CSMD1: variants seen among roughly 807,000 people sequenced by gnomAD.
CSMD1 encodes CUB and sushi domain-containing protein 1.
Under a neutral mutation model 417.5 loss-of-function variants are expected in CSMD1, and 213 were observed. The observed-to-expected ratio is 0.51, with a 90% CI of 0.46 to 0.57. CSMD1 has a LOEUF of 0.57. CSMD1 is among the 20% of genes least tolerant of loss of function. The pLI is 0.00. For synonymous variants in CSMD1, 2,862 were observed against 1,736.8 expected, an observed-to-expected ratio of 1.65 and a Z score of -16.11; for missense variants, 6,923 against 4,529.7, an observed-to-expected ratio of 1.53 and a Z score of -15.17.
At chr8:3,821,041 C>T (rs967321022) in intron 5 of CSMD1, among the ~76,000 whole-genome samples, 2 of 151,976 alleles carry the variant, frequency 1.3e-5, no homozygotes, top group Admixed American at 1.3e-4. Flanking sequence ...CTCAGCCTCC[C>T]CAGTAGCTGG....
chr8:3,167,975 A>G (rs1217097785), intron 37 of CSMD1, among the ~76,000 whole-genome samples: 2 of 152,162 alleles, frequency 1.3e-5, no homozygotes, highest in East Asian at 3.9e-4. Flanking sequence ...TGTAGATATT[A>G]TGAACTGAAA....
intron 1 of CSMD1, among the ~76,000 whole-genome samples, chr8:4,744,209 C>G (rs1473203984): frequency 6.6e-6 from 1 of 152,024 alleles, no homozygotes; most frequent in Non-Finnish European, 1.5e-5. Context: ...ACGGTCACCT[C>G]TGCAGGCTCG....
chr8:4,505,023 G>C (rs554773054), intron 2 of CSMD1, among the ~76,000 whole-genome samples: 345 of 152,204 alleles, frequency 2.3e-3, no homozygotes, highest in African/African-American at 8.0e-3. Flanking sequence ...GTGTCAAATG[G>C]TATTTCTGTT....
At chr8:3,696,361 C>G (rs1800552724) in intron 7 of CSMD1, among the ~76,000 whole-genome samples, 1 of 152,190 alleles carries the variant, frequency 6.6e-6, no homozygotes, top group African/African-American at 2.4e-5. Flanking sequence ...CTTGGCTTAT[C>G]TCTTTGACTT....
At chr8:3,969,283 C>T (rs117332502) in intron 5 of CSMD1, among the ~76,000 whole-genome samples, 3,160 of 152,196 alleles carry the variant, frequency 0.021, 53 homozygotes, top group Non-Finnish European at 0.03. Context: ...GCTGTAGCTG[C>T]AAAAGATGAG....
chr8:3,998,074 C>G lies in CSMD1; in HGVS notation c.647G>C (p.Ser216Thr), dbSNP rs762887070. 6.3e-7 allele frequency: 1 copy of G among 1,588,184 alleles called. No individual in the cohort carries two copies. Reference protein sequence around the residue: ...GACGGTLRGTSSSISSPHFPS... With the variant: ...GACGGTLRGTTSSISSPHFPS... ...GAAGTGCGGGCTGGAGATGGAGCTG[C>G]TGGTCCCGCGTAAGGTTCCTCCGCA... Residue 216 changes from serine (S) to threonine (T), a missense_variant, in exon 5 of 70, where the codon AGC becomes ACC. By Grantham distance (58) the Ser-to-Thr change is moderately conservative. Transcript: ENST00000635120.
Position 4,756,762 on chromosome 8 carries a change from G to A in CSMD1, c.86-119204C>T, listed in dbSNP as rs111859892. 4.6e-3 allele frequency among the ~76,000 whole-genome samples: 698 copies of A among 152,296 alleles called. 7 individuals carry two copies. The highest frequency in any genetic ancestry group is 0.017 in the Middle Eastern group (5 of 294). ...GGTAAAATAAATGTAGCAGCTTCCT[G>A]GGAGTCATCTTGGGCATTTTAGGTC... On this transcript the variant is annotated intron_variant, in intron 1 of 69. Coordinates refer to ENST00000635120, the MANE Select transcript of CSMD1 (RefSeq NM_033225.6).
At chr8:4,208,390 T>G (rs1800107615) in intron 3 of CSMD1, among the ~76,000 whole-genome samples, 1 of 152,204 alleles carries the variant, frequency 6.6e-6, no homozygotes, top group African/African-American at 2.4e-5. Context: ...ATTGAGTTAC[T>G]GGCCTATTAT....
chr8:4,855,449 G>A (rs2116850920), intron 1 of CSMD1, among the ~76,000 whole-genome samples: 1 of 152,276 alleles, frequency 6.6e-6, no homozygotes, highest in Non-Finnish European at 1.5e-5. Context: ...GAAGGCTTCA[G>A]ACGATCAAAT....
At chr8:4,126,062 T>C (rs1156403348) in intron 3 of CSMD1, among the ~76,000 whole-genome samples, 1 of 151,516 alleles carries the variant, frequency 6.6e-6, no homozygotes, top group East Asian at 1.9e-4. Flanking sequence ...GCCCGACCAG[T>C]TTTGCCATTG....
At chr8:4,907,796 G>C (rs948488946) in intron 1 of CSMD1, among the ~76,000 whole-genome samples, 3 of 151,658 alleles carry the variant, frequency 2.0e-5, no homozygotes, top group African/African-American at 7.3e-5. Flanking sequence ...AAACCCCTGG[G>C]CTCAAGCAAT....
Position 3,407,884 on chromosome 8 carries a change from TG to T in CSMD1, c.2071+14del. ...AATGAGAACTTGGATGTGTTGACTGTGTGGGCGTACTTACTGGTGTAAGTGA... is the reference window on the plus strand; with the variant it reads ...AATGAGAACTTGGATGTGTTGACTGTTGGGCGTACTTACTGGTGTAAGTGA... On this transcript the variant is annotated intron_variant, in intron 14 of 69. Coordinates refer to ENST00000635120, the MANE Select transcript of CSMD1 (RefSeq NM_033225.6). 1 of 1,587,768 alleles carries T rather than the reference TG, an allele frequency of 6.3e-7. No individual in the cohort carries two copies. The highest frequency in any genetic ancestry group is 8.6e-7 in the Non-Finnish European group (1 of 1,162,996).
intron 41 of CSMD1, among the ~76,000 whole-genome samples, chr8:3,142,046 C>T (rs534192716): frequency 1.3e-5 from 2 of 152,292 alleles, no homozygotes; most frequent in South Asian, 4.1e-4. Flanking sequence ...ATCCGCCCGC[C>T]TCGGCCTTCC....
At chr8:3,347,882 T>C (rs926188033) in intron 22 of CSMD1, 110 bp downstream of exon 22, 2 of 660,036 alleles carry the variant, frequency 3.0e-6, no homozygotes, top group South Asian at 3.1e-5. Context: ...AAATCATATA[T>C]AAAAATATAT....
At chr8:4,981,470 C>A (rs1175867028) in intron 1 of CSMD1, among the ~76,000 whole-genome samples, 2 of 152,202 alleles carry the variant, frequency 1.3e-5, no homozygotes, top group Non-Finnish European at 2.9e-5. Flanking sequence ...AACCTGATAT[C>A]ATCAATTAGA....
chr8:3,877,658 C>T (rs61354720), intron 5 of CSMD1, among the ~76,000 whole-genome samples: 42,721 of 151,942 alleles, frequency 0.28, 8,158 homozygotes, highest in African/African-American at 0.55. Flanking sequence ...GTCTATTTTC[C>T]CCTGAATAAG....
At chr8:4,176,970 C>A (rs528494143) in intron 3 of CSMD1, among the ~76,000 whole-genome samples, 2 of 151,600 alleles carry the variant, frequency 1.3e-5, no homozygotes, top group African/African-American at 4.9e-5. Context: ...GACTCCCACA[C>A]AATAAAAATG....
intron 22 of CSMD1, among the ~76,000 whole-genome samples, chr8:3,345,859 T>A (rs970229733): frequency 4.7e-5 from 7 of 149,880 alleles, no homozygotes; most frequent in African/African-American, 1.7e-4. Flanking sequence ...ACCCTGCAGA[T>A]TTATTTCCAA....
chr8:4,208,125 G>C (rs886377795), intron 3 of CSMD1, among the ~76,000 whole-genome samples: 3 of 152,110 alleles, frequency 2.0e-5, no homozygotes, highest in African/African-American at 7.2e-5. Context: ...TACACATGAT[G>C]ATTTTCTTAA....
Sources: gnomAD v4.1 joint callset for allele counts (sites outside exome capture counted in the v4.1 genomes callset) on GRCh38, gnomAD v4.1.1 for gene constraint, MANE v1.5 for transcripts, NCBI Gene and HGNC (gene_info 2026-07-23, HGNC 2026-07-21) for gene names.